The following KLF12 variants were observed in gnomAD, a reference collection of about 807,000 sequenced individuals.
KLF12 encodes the protein KLF transcription factor 12, also known as Krueppel-like factor 12.
KLF12 carries 9 observed loss-of-function variants against 37.8 expected under a neutral mutation model. The observed-to-expected ratio is 0.24, with a 90% CI of 0.14 to 0.42. The LOEUF is 0.42. Among genes scored for constraint, KLF12 ranks in the 10% least tolerant of loss-of-function variants. The pLI, the probability that KLF12 is intolerant of heterozygous loss-of-function variation, is 1.00. For missense variants in KLF12, 411 were observed against 516.0 expected, an observed-to-expected ratio of 0.80 and a Z score of 1.97; for synonymous variants, 208 against 202.1, an observed-to-expected ratio of 1.03 and a Z score of -0.25.
At position 73,687,330 on chromosome 13, in the gene KLF12, TC is replaced by T; in HGVS notation, c.*8159del. 1 of 152,596 alleles carries T rather than the reference TC, an allele frequency of 6.6e-6. No homozygotes were observed. Among genetic ancestry groups the T allele is most frequent in the Admixed American group, 6.5e-5 (1 of 15,278 alleles). The allele number at this position is 152,596 out of a possible 1,614,324, so 9.5% of individuals were successfully genotyped here. On this transcript the variant is annotated 3_prime_UTR_variant, in exon 8 of 8. Coordinates refer to ENST00000377669, the MANE Select transcript of KLF12 (RefSeq NM_007249.5). ...CATAGACATGAACAAAACAATACAGTCACTACCCCACAGGGGGACAGTGATT... is the reference window on the plus strand; with the variant it reads ...CATAGACATGAACAAAACAATACAGTACTACCCCACAGGGGGACAGTGATT...
At chr13:74,256,046 T>C in the KLF12 span, among the ~76,000 whole-genome samples, 1 of 151,838 alleles carries the variant, frequency 6.6e-6, no homozygotes. Flanking sequence ...TCCCAGCTAC[T>C]TGGGAGGCTG....
intron 1 of KLF12, among the ~76,000 whole-genome samples, chr13:74,080,843 T>A (rs1355121825): frequency 6.6e-6 from 1 of 152,182 alleles, no homozygotes; most frequent in East Asian, 1.9e-4. Context: ...AGGTAGGGTG[T>A]GGATTTTAAT....
chr13:74,009,636 A>G (rs1892498651), intron 1 of KLF12, among the ~76,000 whole-genome samples: 1 of 152,220 alleles, frequency 6.6e-6, no homozygotes, highest in Non-Finnish European at 1.5e-5. Flanking sequence ...AACTCCAGAA[A>G]CAGCATACTT....
chr13:73,732,657 T>C (rs1044089367), intron 6 of KLF12, among the ~76,000 whole-genome samples: 4 of 152,192 alleles, frequency 2.6e-5, no homozygotes, highest in Admixed American at 2.6e-4. Flanking sequence ...CAGCCGTTTC[T>C]CCTTTCTGTT....
rs5804703 is a variant in KLF12, at chr13:73,887,659, C to CAAA, written c.124-41289_124-41287dup. On this transcript the variant is annotated intron_variant, in intron 3 of 7. Coordinates refer to ENST00000377669, the MANE Select transcript of KLF12 (RefSeq NM_007249.5). ...TCTCAGGTATTTCTTAATAGCAATG[C>CAAA]AAAAAAAGCCTAATATAAAAGGTAT... Among the ~76,000 whole-genome samples, 70 of 151,822 alleles carry CAAA rather than the reference C, an allele frequency of 4.6e-4. 1 individual carries two copies. The highest frequency in any genetic ancestry group is 1.5e-3 in the African/African-American group (63 of 41,366).
chr13:74,020,786 G>T (rs1892821954), intron 1 of KLF12, among the ~76,000 whole-genome samples: 1 of 151,994 alleles, frequency 6.6e-6, no homozygotes, highest in Admixed American at 6.5e-5. Flanking sequence ...AGCTACTCGG[G>T]AGGCTGAGGC....
chr13:74,293,387 T>C, the KLF12 span, among the ~76,000 whole-genome samples: 1 of 152,168 alleles, frequency 6.6e-6, no homozygotes, highest in Non-Finnish European at 1.5e-5. Context: ...TTGGGTACAA[T>C]CGAGGGACTG....
chr13:74,110,403 T>C (rs1045046228), intron 1 of KLF12, among the ~76,000 whole-genome samples: 1 of 152,180 alleles, frequency 6.6e-6, no homozygotes, highest in African/African-American at 2.4e-5. Flanking sequence ...GTTCTAACAA[T>C]AGATTGTAAT....
At chr13:73,850,033 T>TTC (rs1885252894) in intron 3 of KLF12, among the ~76,000 whole-genome samples, 2 of 152,138 alleles carry the variant, frequency 1.3e-5, no homozygotes, top group Non-Finnish European at 1.5e-5. Flanking sequence ...CTTGAAAAGG[T>TTC]ACACTGTAAA....
intron 1 of KLF12, among the ~76,000 whole-genome samples, chr13:74,071,832 T>C (rs946699883): frequency 2.0e-5 from 3 of 152,228 alleles, no homozygotes; most frequent in Admixed American, 6.5e-5. Context: ...AGAAAACTGA[T>C]TGGTCATGGG....
chr13:73,936,583 G>T (rs1889941120), intron 3 of KLF12, among the ~76,000 whole-genome samples: 1 of 152,034 alleles, frequency 6.6e-6, no homozygotes, highest in African/African-American at 2.4e-5. Context: ...CTCCTCTACA[G>T]TATTCTTCTC....
chr13:74,095,401 C>CTTTTTTT (rs34711971), intron 1 of KLF12, among the ~76,000 whole-genome samples: 1 of 150,484 alleles, frequency 6.6e-6, no homozygotes, highest in Non-Finnish European at 1.5e-5. Flanking sequence ...TTTTTTTTTC[C>CTTTTTTT]TTTTGGAGAC....
chr13:73,849,599 C>G (rs1885219528), intron 3 of KLF12, among the ~76,000 whole-genome samples: 1 of 152,020 alleles, frequency 6.6e-6, no homozygotes, highest in Non-Finnish European at 1.5e-5. Context: ...GGGTATGCCA[C>G]TCAGGAACCA....
intron 3 of KLF12, among the ~76,000 whole-genome samples, 179 bp downstream of exon 3, chr13:73,943,802 G>A (rs756008958): frequency 1.3e-5 from 2 of 152,168 alleles, no homozygotes; most frequent in Non-Finnish European, 2.9e-5. Context: ...GGAAATAATA[G>A]TTGAAGTTGC....
chr13:74,212,620 T>A, the KLF12 span, among the ~76,000 whole-genome samples: 2 of 152,126 alleles, frequency 1.3e-5, no homozygotes, highest in Admixed American at 1.3e-4. Context: ...AACTATGGGA[T>A]GAAAGATTTA....
chr13:74,082,462 A>G (rs755138667), intron 1 of KLF12, among the ~76,000 whole-genome samples: 1 of 152,208 alleles, frequency 6.6e-6, no homozygotes, highest in Non-Finnish European at 1.5e-5. Flanking sequence ...GATTCTATCA[A>G]TAGTCTATCA....
At chr13:73,995,099 C>A (rs909611639) in intron 1 of KLF12, 46 bp from the exon 2 acceptor site, 2 of 1,332,532 alleles carry the variant, frequency 1.5e-6, no homozygotes, top group African/African-American at 2.9e-5. Context: ...AGTTCTACAA[C>A]TTGATGTTAT....
At chr13:73,871,273 ATGG>A (rs1385356492) in intron 3 of KLF12, among the ~76,000 whole-genome samples, 1 of 152,164 alleles carries the variant, frequency 6.6e-6, no homozygotes, top group Non-Finnish European at 1.5e-5. Context: ...CTTCACAGCT[ATGG>A]TGGCGTGTCC....
At chr13:74,302,366 C>G in the KLF12 span, among the ~76,000 whole-genome samples, 2 of 152,266 alleles carry the variant, frequency 1.3e-5, no homozygotes, top group Middle Eastern at 3.4e-3. Context: ...GTGAAAAAGA[C>G]AGTGTTGGTT....
Sources: gnomAD v4.1 joint callset for allele counts (sites outside exome capture counted in the v4.1 genomes callset) on GRCh38, gnomAD v4.1.1 for gene constraint, MANE v1.5 for transcripts, NCBI Gene and HGNC (gene_info 2026-07-23, HGNC 2026-07-21) for gene names.